Variants in KBTBD11 observed in about 807,000 individuals in gnomAD.
The protein encoded by KBTBD11 is kelch repeat and BTB domain-containing protein 11.
For synonymous variants in KBTBD11, 747 were observed against 499.0 expected, an observed-to-expected ratio of 1.50 and a Z score of -6.63; for missense variants, 1,390 against 1,001.8, an observed-to-expected ratio of 1.39 and a Z score of -5.23.
At chr8:1,988,171 G>T (rs1206465993) in intron 1 of KBTBD11, among the ~76,000 whole-genome samples, 1 of 152,152 alleles carries the variant, frequency 6.6e-6, no homozygotes, top group Admixed American at 6.5e-5. Context: ...TTGCTATTGT[G>T]AATAGTGCTG....
At position 1,973,733 on chromosome 8, in the gene KBTBD11, G is replaced by A. The variant is rs1354030367; in HGVS notation, c.-1111G>A. On this transcript the variant is annotated 5_prime_UTR_variant, in exon 1 of 2. Transcript: ENST00000320248. ...CCGGAGCGCTGGCTCCGCGCGGCCTGGAGAGGCGGAGAGGCCTGTCCACCG... is the reference window on the plus strand; with the variant it reads ...CCGGAGCGCTGGCTCCGCGCGGCCTAGAGAGGCGGAGAGGCCTGTCCACCG... The A allele has an allele frequency of 1.0e-5, 10 of 983,716 alleles. No individual in the cohort carries two copies. The highest frequency in any genetic ancestry group is 1.1e-5 in the Non-Finnish European group (9 of 829,348). 60.9% of individuals were successfully genotyped at this position (983,716 alleles called of 1,614,324 possible). A position where few individuals can be genotyped will look rare whatever the true frequency, so the allele number is the denominator to read the frequency against.
At chr8:1,983,729 T>A (rs1816616815) in intron 1 of KBTBD11, among the ~76,000 whole-genome samples, 1 of 152,260 alleles carries the variant, frequency 6.6e-6, no homozygotes, top group Non-Finnish European at 1.5e-5. Context: ...TGAAATGTAT[T>A]TCACATGTGT....
At chr8:1,982,503 C>A (rs1037165183) in intron 1 of KBTBD11, among the ~76,000 whole-genome samples, 1 of 99,610 alleles carries the variant, frequency 1.0e-5, no homozygotes, top group African/African-American at 2.8e-5. Flanking sequence ...CTATATGCTG[C>A]CTACAAGAGA....
Position 2,005,914 on chromosome 8 carries a change from A to G in KBTBD11, c.*2850A>G, listed in dbSNP as rs1037006111. ...TATTGCCAATCAAGGTTCATTTGAG[A>G]TGCAGAGGAATGAGCTTGAGCCTTC... On this transcript the variant is annotated 3_prime_UTR_variant, in exon 2 of 2. Transcript: ENST00000320248. The G allele has an allele frequency of 6.0e-6, 1 of 167,116 alleles. No individual in the cohort carries two copies. Among genetic ancestry groups the G allele is most frequent in the Admixed American group, 6.5e-5 (1 of 15,288 alleles). 10.4% of individuals were successfully genotyped at this position (167,116 alleles called of 1,614,324 possible). A position where few individuals can be genotyped will look rare whatever the true frequency, so the allele number is the denominator to read the frequency against.
chr8:1,982,485 A>C (rs1051350531), intron 1 of KBTBD11, among the ~76,000 whole-genome samples: 9 of 141,086 alleles, frequency 6.4e-5, no homozygotes, highest in African/African-American at 1.8e-4. Flanking sequence ...AAAACATATA[A>C]GACCCCACTA....
At chr8:1,977,453 G>A (rs1156829397) in intron 1 of KBTBD11, among the ~76,000 whole-genome samples, 1 of 152,106 alleles carries the variant, frequency 6.6e-6, no homozygotes, top group Non-Finnish European at 1.5e-5. Context: ...TCCTGCAGTA[G>A]TCTCTGGAGA....
At position 2,006,494 on chromosome 8, in the gene KBTBD11, A is replaced by G. The variant is rs1434795703; in HGVS notation, c.*3430A>G. On this transcript the variant is annotated 3_prime_UTR_variant, in exon 2 of 2. Transcript: ENST00000320248. ...ATGTTATTGTTCATAAGAAAACACG[A>G]GCTGAAAATGGAAATCTGCAGTTGT... The G allele has an allele frequency of 6.0e-6, 1 of 167,054 alleles. No individual in the cohort carries two copies. The highest frequency in any genetic ancestry group is 2.4e-5 in the African/African-American group (1 of 41,468). 10.3% of individuals were successfully genotyped at this position (167,054 alleles called of 1,614,324 possible).
intron 1 of KBTBD11, among the ~76,000 whole-genome samples, chr8:1,978,152 C>T (rs1327389877): frequency 6.6e-6 from 1 of 152,232 alleles, no homozygotes; most frequent in Non-Finnish European, 1.5e-5. Flanking sequence ...TGCTCTCCCT[C>T]CGCCGCCCTC....
At chr8:1,977,366 C>T (rs1022011957) in intron 1 of KBTBD11, among the ~76,000 whole-genome samples, 2 of 151,238 alleles carry the variant, frequency 1.3e-5, no homozygotes, top group East Asian at 1.9e-4. Flanking sequence ...GGTGTAGAGT[C>T]GTGGGGACAT....
chr8:2,001,985 G>C lies in KBTBD11; in HGVS notation c.793G>C (p.Glu265Gln), dbSNP rs1341803373. The change falls in exon 2 of 2, where the codon GAG becomes CAG. Residue 265 changes from glutamate to glutamine, a missense_variant. Physicochemically the swap from Glu to Gln is conservative, Grantham distance 29. Coordinates refer to ENST00000320248, the MANE Select transcript of KBTBD11 (RefSeq NM_014867.3). ...CTGCTTCATGAGCGACCACTATCTGGAGGTGCTGCGCGAGCCCGCCGTGTT... is the reference window on the plus strand; with the variant it reads ...CTGCTTCATGAGCGACCACTATCTGCAGGTGCTGCGCGAGCCCGCCGTGTT... ...AYCFMSDHYL[E>Q]VLREPAVFGR... The C allele has an allele frequency of 6.9e-7, 1 of 1,443,288 alleles. No homozygotes were observed. The highest frequency in any genetic ancestry group is 2.1e-5 in the Admixed American group (1 of 47,322). 89.4% of individuals were successfully genotyped at this position (1,443,288 alleles called of 1,614,324 possible). A position where few individuals can be genotyped will look rare whatever the true frequency, so the allele number is the denominator to read the frequency against.
At chr8:1,980,228 CTTTT>C (rs71211538) in intron 1 of KBTBD11, among the ~76,000 whole-genome samples, 47 of 124,614 alleles carry the variant, frequency 3.8e-4, no homozygotes, top group African/African-American at 1.4e-3. Flanking sequence ...GATAATCAAA[CTTTT>C]TTTTTTTTTT....
At position 2,002,969 on chromosome 8, in the gene KBTBD11, G is replaced by A. The variant is rs1817453149; in HGVS notation, c.1777G>A (p.Ala593Thr). Residue 593 changes from alanine to threonine, a missense_variant, in exon 2 of 2, where the codon GCG (alanine) becomes ACG (threonine). Physicochemically the swap from Ala to Thr is moderately conservative, Grantham distance 58. Transcript: ENST00000320248. This position sits in a 1 kb window ranked among gnomAD's most constrained non-coding sequence, Gnocchi z 4.1. ...CGCAGGCCAGGGCGGCGGCTTCGAG[G>A]CGCTGGGCGCCCCCTTGGACGTCCG... ...GDAGQGGGFE[A>T]LGAPLDVRGV... The A allele has an allele frequency of 3.2e-5, 42 of 1,314,346 alleles. No individual in the cohort carries two copies. Among genetic ancestry groups the A allele is most frequent in the Admixed American group, 1.2e-4 (3 of 25,216 alleles). The allele number at this position is 1,314,346 out of a possible 1,614,324, so 81.4% of individuals were successfully genotyped here.
chr8:1,990,078 T>C (rs746438893), intron 1 of KBTBD11, among the ~76,000 whole-genome samples: 1 of 152,214 alleles, frequency 6.6e-6, no homozygotes, highest in Non-Finnish European at 1.5e-5. Context: ...ATTGAGCATT[T>C]TTTCATTTAT....
In KBTBD11 at chr8:2,001,322, A is replaced by G. The variant is rs1817340417; in HGVS notation, c.130A>G (p.Ser44Gly). 6.6e-7 allele frequency: 1 copy of G among 1,517,650 alleles called. No homozygotes were observed. The highest frequency in any genetic ancestry group is 2.0e-5 in the Admixed American group (1 of 50,584). 94.0% of individuals were successfully genotyped at this position (1,517,650 alleles called of 1,614,324 possible). A position where few individuals can be genotyped will look rare whatever the true frequency, so the allele number is the denominator to read the frequency against. The part of the protein sequence containing the change: ...PCSLGASLCF[S>G]SGEESPPQSL... The stretch of plus-strand genomic sequence containing the variant: ...CAGTCTCGGCGCGTCCCTGTGCTTC[A>G]GCTCCGGGGAAGAGTCCCCGCCGCA... The change falls in exon 2 of 2, where the codon AGC becomes GGC. Residue 44 changes from serine to glycine, a missense_variant. Transcript: ENST00000320248.
intron 1 of KBTBD11, among the ~76,000 whole-genome samples, chr8:1,979,163 C>T (rs1259026641): frequency 6.6e-6 from 1 of 152,188 alleles, no homozygotes; most frequent in Non-Finnish European, 1.5e-5. Flanking sequence ...CTGAGATCTG[C>T]AGGGCAGGCC....
At chr8:1,976,705 C>A (rs74550305) in intron 1 of KBTBD11, among the ~76,000 whole-genome samples, 2 of 152,072 alleles carry the variant, frequency 1.3e-5, no homozygotes, top group Non-Finnish European at 1.5e-5. Context: ...TACGTTAATT[C>A]TTAGGTAATA....
chr8:1,997,144 G>T (rs967040935), intron 1 of KBTBD11, among the ~76,000 whole-genome samples: 1 of 152,230 alleles, frequency 6.6e-6, no homozygotes, highest in Non-Finnish European at 1.5e-5. Flanking sequence ...TCCGGCGGGG[G>T]GTGGGCGAGT....
chr8:2,002,960 G>A lies in KBTBD11; in HGVS notation c.1768G>A (p.Gly590Ser), dbSNP rs1270625655. The part of the protein sequence containing the change: ...EAGGDAGQGG[G>S]FEALGAPLDV... ...CGGCGGCGACGCAGGCCAGGGCGGC[G>A]GCTTCGAGGCGCTGGGCGCCCCCTT... The change falls in exon 2 of 2, where the codon GGC (glycine) becomes AGC (serine). Residue 590 changes from glycine to serine, a missense_variant. Coordinates refer to ENST00000320248, the MANE Select transcript of KBTBD11 (RefSeq NM_014867.3). The surrounding 1 kb of genome is among the most constrained non-coding windows in gnomAD (Gnocchi z 4.1). The A allele has an allele frequency of 1.5e-6, 2 of 1,315,478 alleles. No homozygotes were observed. Among genetic ancestry groups the A allele is most frequent in the East Asian group, 3.1e-5 (1 of 31,966 alleles). 81.5% of individuals were successfully genotyped at this position (1,315,478 alleles called of 1,614,324 possible).
chr8:1,973,805 C>G lies in KBTBD11; in HGVS notation c.-1039C>G, dbSNP rs1229968419. The G allele has an allele frequency of 9.2e-6, 9 of 983,356 alleles. No homozygotes were observed. The East Asian group carries it at 3.5e-4, about 38-fold the overall frequency. 60.9% of individuals were successfully genotyped at this position (983,356 alleles called of 1,614,324 possible). Reference sequence around the variant, plus strand: ...CGCTGCGGGTCGGAGGAGCAGCTCCCGCTCGCAGGTGCTCGGAGAGGCCGG... The same window carrying G: ...CGCTGCGGGTCGGAGGAGCAGCTCCGGCTCGCAGGTGCTCGGAGAGGCCGG... On this transcript the variant is annotated 5_prime_UTR_variant, in exon 1 of 2. Transcript: ENST00000320248.
Sources: gnomAD v4.1 joint callset for allele counts (sites outside exome capture counted in the v4.1 genomes callset) on GRCh38, gnomAD v4.1.1 for gene constraint, Gnocchi (gnomAD v3.1) non-coding constraint, MANE v1.5 for transcripts, NCBI Gene and HGNC (gene_info 2026-07-23, HGNC 2026-07-21) for gene names.